The following NCAPG variants were observed in gnomAD, a reference collection of about 807,000 sequenced individuals.
The protein encoded by NCAPG is condensin complex subunit 3.
Under a neutral mutation model 113.1 loss-of-function variants are expected in NCAPG, and 69 were observed. That is an observed-to-expected ratio of 0.61 (90% CI 0.50 to 0.75). The LOEUF is 0.75. Among genes scored for constraint, NCAPG ranks in the 30% least tolerant of loss-of-function variants. The probability of loss-of-function intolerance (pLI) is 0.00; values close to 1 mark genes in which losing one functional copy is unlikely to be tolerated. For synonymous variants in NCAPG, 370 were observed against 415.8 expected, an observed-to-expected ratio of 0.89 and a Z score of 1.34; for missense variants, 1,058 against 1,177.0, an observed-to-expected ratio of 0.90 and a Z score of 1.48.
At chr4:17,837,121 A>G in intron 14 of NCAPG, 38 bp from the exon 15 acceptor site, 2 of 1,588,730 alleles carry the variant, frequency 1.3e-6, no homozygotes, top group Admixed American at 1.7e-5. Context: ...AAAAGGAGAT[A>G]CAAATAAATT....
chr4:17,813,151 T>C lies in NCAPG; in HGVS notation c.544+6T>C, dbSNP rs1721066680. ...TGAATGCCCAGTGGTTAATGGTGTGTGTAGTTTCCTAAATCTTTTTTCAGA... is the reference window on the plus strand; with the variant it reads ...TGAATGCCCAGTGGTTAATGGTGTGCGTAGTTTCCTAAATCTTTTTTCAGA... On this transcript the variant is annotated splice_donor_region_variant and intron_variant, in intron 3 of 20. Transcript: ENST00000251496. The C allele has an allele frequency of 5.1e-6, 8 of 1,579,336 alleles. No homozygotes were observed. In the East Asian group the frequency reaches 1.6e-4, roughly 31 times the overall value.
chr4:17,824,523 GA>G (rs1721581853), intron 9 of NCAPG, among the ~76,000 whole-genome samples: 1 of 152,084 alleles, frequency 6.6e-6, no homozygotes, highest in Non-Finnish European at 1.5e-5. Flanking sequence ...GTTCTGAAAG[GA>G]AAGTCCTTCC....
At chr4:17,814,687 C>G (rs1721125654) in intron 3 of NCAPG, among the ~76,000 whole-genome samples, 166 bp from the exon 4 acceptor site, 1 of 152,206 alleles carries the variant, frequency 6.6e-6, no homozygotes, top group Admixed American at 6.5e-5. Context: ...TTCAAGCTCT[C>G]CACCTACCTT....
intron 3 of NCAPG, 131 bp from the exon 4 acceptor site, chr4:17,814,722 G>C (rs1219039915): frequency 1.3e-5 from 13 of 1,029,854 alleles, no homozygotes; most frequent in Non-Finnish European, 1.8e-5. Context: ...CTGGTTATAG[G>C]CAGTAGCCAT....
chr4:17,817,250 T>C lies in NCAPG; in HGVS notation c.776-11T>C, dbSNP rs755066200. On this transcript the variant is annotated splice_polypyrimidine_tract_variant and intron_variant, in intron 5 of 20. Transcript: ENST00000251496. The stretch of plus-strand genomic sequence containing the variant: ...AGCCTTTGTTCACCTATGTTTCAAA[T>C]GACTCAATAGATGCTGTGAAACAAG... The C allele has an allele frequency of 3.6e-5, 58 of 1,601,574 alleles. No individual in the cohort carries two copies. The highest frequency in any genetic ancestry group is 4.3e-5 in the Non-Finnish European group (51 of 1,173,330).
At chr4:17,840,556 A>G (rs752208228) in intron 18 of NCAPG, 51 bp from the exon 19 acceptor site, 2 of 1,094,468 alleles carry the variant, frequency 1.8e-6, no homozygotes, top group Non-Finnish European at 2.5e-6. Context: ...ACAATTTAAA[A>G]TATTTCATGA....
intron 9 of NCAPG, among the ~76,000 whole-genome samples, chr4:17,824,620 G>C (rs1420608069): frequency 6.6e-6 from 1 of 152,110 alleles, no homozygotes; most frequent in Non-Finnish European, 1.5e-5. Context: ...CTACAGAGCT[G>C]AACAAGAGAA....
intron 19 of NCAPG, 52 bp downstream of exon 19, chr4:17,840,745 C>A: frequency 8.4e-7 from 1 of 1,184,216 alleles, no homozygotes; most frequent in Non-Finnish European, 1.1e-6. Flanking sequence ...TTTTATCTTC[C>A]AATGAAAAAT....
intron 5 of NCAPG, among the ~76,000 whole-genome samples, chr4:17,816,959 A>G (rs745964368): frequency 6.6e-5 from 10 of 152,058 alleles, no homozygotes; most frequent in Non-Finnish European, 1.5e-4. Flanking sequence ...ATGGTGAAAC[A>G]AAAATTAGCT....
chr4:17,829,430 T>A (rs557080245), intron 12 of NCAPG, among the ~76,000 whole-genome samples: 1 of 152,308 alleles, frequency 6.6e-6, no homozygotes, highest in East Asian at 1.9e-4. Context: ...GAATTTAGCT[T>A]TATTTTTGGA....
At chr4:17,820,698 G>A (rs1262084688) in intron 7 of NCAPG, among the ~76,000 whole-genome samples, 1 of 152,160 alleles carries the variant, frequency 6.6e-6, no homozygotes, top group Admixed American at 6.6e-5. Flanking sequence ...GGAGGAACAT[G>A]ACTAGATGGG....
rs1720889598 is a variant in NCAPG, at chr4:17,810,995, C to G, written c.-83C>G. ...CCTGGGGCTGTCATAGAAGACTACT[C>G]GGAGAGCGCTGCCTCTGGGTTGGCG... is the stretch of plus-strand genomic sequence containing the variant. On this transcript the variant is annotated 5_prime_UTR_variant, in exon 1 of 21. Coordinates refer to ENST00000251496, the MANE Select transcript of NCAPG (RefSeq NM_022346.5). The G allele has an allele frequency of 1.3e-6, 1 of 774,232 alleles. No homozygotes were observed. Among genetic ancestry groups the G allele is most frequent in the African/African-American group, 1.8e-5 (1 of 54,068 alleles). The allele number at this position is 774,232 out of a possible 1,614,324, so 48.0% of individuals were successfully genotyped here.
intron 5 of NCAPG, 21 bp from the exon 6 acceptor site, chr4:17,817,240 A>G (rs766575182): frequency 4.4e-6 from 7 of 1,586,990 alleles, no homozygotes; most frequent in Admixed American, 1.7e-5. Context: ...TTGTTCACCT[A>G]TGTTTCAAAT....
rs114839002 is a variant in NCAPG, at chr4:17,838,568, G to A, written c.2466+767G>A. On this transcript the variant is annotated intron_variant, in intron 16 of 20. Coordinates refer to ENST00000251496, the MANE Select transcript of NCAPG (RefSeq NM_022346.5). ...AAACTCATTGACCAAAATTCAGTTAGGCCTTGTTGGTATTTGGGGAGTGGT... is the reference window on the plus strand; with the variant it reads ...AAACTCATTGACCAAAATTCAGTTAAGCCTTGTTGGTATTTGGGGAGTGGT... Among the ~76,000 whole-genome samples, 698 of 152,272 alleles carry A rather than the reference G, an allele frequency of 4.6e-3. 2 individuals are homozygous for A. Among genetic ancestry groups the A allele is most frequent in the African/African-American group, 0.016 (662 of 41,564 alleles).
Position 17,811,254 on chromosome 4 carries a change from C to T in NCAPG, c.111+66C>T, listed in dbSNP as rs1183291922. ...CGGCCCACCCTCCCTCAGGGGCCCT[C>T]CGTGGCCCTCGGGCTCGGCGCACCG... On this transcript the variant is annotated intron_variant, in intron 1 of 20. Coordinates refer to ENST00000251496, the MANE Select transcript of NCAPG (RefSeq NM_022346.5). The surrounding 1 kb of genome is among the most constrained non-coding windows in gnomAD (Gnocchi z 5.3). 3 of 1,009,764 alleles carry T rather than the reference C, an allele frequency of 3.0e-6. No individual in the cohort carries two copies. Among genetic ancestry groups the T allele is most frequent in the Non-Finnish European group, 4.2e-6 (3 of 720,690 alleles). The allele number at this position is 1,009,764 out of a possible 1,614,324, so 62.6% of individuals were successfully genotyped here.
Position 17,812,178 on chromosome 4 carries a change from T to G in NCAPG, c.112-43T>G, listed in dbSNP as rs777463214. ...TTAGGGTGATGTTGGGAATAAAGGA[T>G]TTTTATCGGTGCAGTTTATGAAGGG... On this transcript the variant is annotated intron_variant, in intron 1 of 20. Coordinates refer to ENST00000251496, the MANE Select transcript of NCAPG (RefSeq NM_022346.5). 3.0e-5 allele frequency: 45 copies of G among 1,491,420 alleles called. 1 individual carries two copies. In the African/African-American group the frequency reaches 5.0e-4, roughly 17 times the overall value. The allele number at this position is 1,491,420 out of a possible 1,614,324, so 92.4% of individuals were successfully genotyped here.
At chr4:17,815,904 T>C (rs576390767) in intron 5 of NCAPG, among the ~76,000 whole-genome samples, 9 of 152,200 alleles carry the variant, frequency 5.9e-5, no homozygotes, top group East Asian at 1.9e-4. Context: ...AATACTTAAG[T>C]CTGTAGAGCT....
Position 17,811,299 on chromosome 4 carries a change from C to A in NCAPG, c.111+111C>A. 1.7e-6 allele frequency: 1 copy of A among 604,492 alleles called. No individual in the cohort carries two copies. The allele number at this position is 604,492 out of a possible 1,614,324, so 37.4% of individuals were successfully genotyped here. On this transcript the variant is annotated intron_variant, in intron 1 of 20. Transcript: ENST00000251496. This position sits in a 1 kb window ranked among gnomAD's most constrained non-coding sequence, Gnocchi z 5.3. ...GCACCGTGACTCCAGCCTTGTTCAC[C>A]TTCGCGACTCACTTCATAGGGATCT...
In NCAPG at chr4:17,837,228, A is replaced by T. The variant is rs943710539; in HGVS notation, c.2179A>T (p.Ser727Cys). Residue 727 changes from serine (S) to cysteine (C), a missense_variant, in exon 15 of 21, where the codon AGC becomes TGC. Coordinates refer to ENST00000251496, the MANE Select transcript of NCAPG (RefSeq NM_022346.5). ...GATGTTCTCTGGGCTTTTGGTCAGC[A>T]GCAGGATTCTTTCTCGTCTTATTTT... ...KLMFSGLLVS[S>C]RILSRLILLW... 1.7e-5 allele frequency: 28 copies of T among 1,613,938 alleles called. No homozygotes were observed. Among genetic ancestry groups the T allele is most frequent in the Non-Finnish European group, 2.2e-5 (26 of 1,179,946 alleles).
Sources: gnomAD v4.1 joint callset for allele counts (sites outside exome capture counted in the v4.1 genomes callset) on GRCh38, gnomAD v4.1.1 for gene constraint, Gnocchi (gnomAD v3.1) non-coding constraint, MANE v1.5 for transcripts, NCBI Gene and HGNC (gene_info 2026-07-23, HGNC 2026-07-21) for gene names.